Variants in EDDM3A observed in about 807,000 individuals in gnomAD.
EDDM3A encodes epididymal secretory protein E3-alpha.
For synonymous variants in EDDM3A, 75 were observed against 60.4 expected, an observed-to-expected ratio of 1.24 and a Z score of -1.12; for missense variants, 199 against 177.4, an observed-to-expected ratio of 1.12 and a Z score of -0.69.
At chr14:20,737,883 G>A in the EDDM3A span, among the ~76,000 whole-genome samples, 2 of 152,266 alleles carry the variant, frequency 1.3e-5, no homozygotes, top group Admixed American at 6.5e-5. Context: ...GTCCAGGTCC[G>A]GTATGGGGTG....
At chr14:20,740,307 A>G in the EDDM3A span, among the ~76,000 whole-genome samples, 1 of 152,244 alleles carries the variant, frequency 6.6e-6, no homozygotes, top group Non-Finnish European at 1.5e-5. Flanking sequence ...GCATTTGTCC[A>G]TGGTTCGATA....
chr14:20,738,598 T>C, the EDDM3A span, among the ~76,000 whole-genome samples: 1 of 152,176 alleles, frequency 6.6e-6, no homozygotes, highest in Non-Finnish European at 1.5e-5. Context: ...AAATATAGTG[T>C]AAGGGAGGAA....
the EDDM3A span, among the ~76,000 whole-genome samples, chr14:20,739,415 C>A: frequency 2.0e-5 from 3 of 152,168 alleles, no homozygotes; most frequent in Non-Finnish European, 4.4e-5. Context: ...TCCTTAGGGA[C>A]CTGTCTTCCT....
chr14:20,738,408 T>C, the EDDM3A span, among the ~76,000 whole-genome samples: 136 of 151,924 alleles, frequency 9.0e-4, 1 homozygote, highest in Non-Finnish European at 1.9e-3. Flanking sequence ...GAGGCAGAGA[T>C]TGCAGTGAGC....
At chr14:20,740,838 T>G in the EDDM3A span, among the ~76,000 whole-genome samples, 36,020 of 139,916 alleles carry the variant, frequency 0.26, 5,351 homozygotes, top group East Asian at 0.34. Flanking sequence ...GATGCAGGAA[T>G]GGCCTCCTCT....
At chr14:20,747,048 T>C (rs1405784470) in intron 1 of EDDM3A, among the ~76,000 whole-genome samples, 4 of 60,578 alleles carry the variant, frequency 6.6e-5, no homozygotes, top group Non-Finnish European at 9.0e-5. Flanking sequence ...ATTTTCCAAA[T>C]TTGTGTTAGC....
At chr14:20,746,681 A>G (rs369102265) in intron 1 of EDDM3A, among the ~76,000 whole-genome samples, 2 of 152,214 alleles carry the variant, frequency 1.3e-5, no homozygotes, top group South Asian at 2.1e-4. Context: ...CCGATAGTTA[A>G]TAATGATCAC....
upstream of EDDM3A, among the ~76,000 whole-genome samples, chr14:20,744,972 G>A (rs965724305): frequency 6.6e-6 from 1 of 152,188 alleles, no homozygotes; most frequent in Admixed American, 6.5e-5. Context: ...TGTAATCCCA[G>A]CACTTTTAGA....
the EDDM3A span, among the ~76,000 whole-genome samples, chr14:20,737,380 C>A: frequency 1.3e-5 from 2 of 152,036 alleles, no homozygotes; most frequent in African/African-American, 2.4e-5. Context: ...GTAGAGGTGC[C>A]GGAGAGTGAA....
upstream of EDDM3A, among the ~76,000 whole-genome samples, chr14:20,744,268 C>A (rs1877519023): frequency 6.6e-6 from 1 of 152,190 alleles, no homozygotes; most frequent in African/African-American, 2.4e-5. Context: ...TCCATCCAGT[C>A]TATCAGCACA....
chr14:20,738,964 A>C, the EDDM3A span, among the ~76,000 whole-genome samples: 1 of 152,222 alleles, frequency 6.6e-6, no homozygotes, highest in Non-Finnish European at 1.5e-5. Context: ...TGGCACAGAG[A>C]AGGAGACATC....
chr14:20,747,829 G>C lies in EDDM3A; in HGVS notation c.249G>C (p.Glu83Asp). 6.2e-7 allele frequency: 1 copy of C among 1,614,148 alleles called. No individual in the cohort carries two copies. Among genetic ancestry groups the C allele is most frequent in the Non-Finnish European group, 8.5e-7 (1 of 1,180,010 alleles). ...WFKIQRACIN[E>D]KGSDRYRNAY... is the part of the protein sequence containing the mutation. Reference sequence around the variant, plus strand: ...AAATTCAGCGTGCATGCATCAATGAGAAGGGGAGCGACCGATATAGAAATG... The same window carrying C: ...AAATTCAGCGTGCATGCATCAATGACAAGGGGAGCGACCGATATAGAAATG... The change falls in exon 2 of 2, where the codon GAG (glutamate) becomes GAC (aspartate). Residue 83 changes from glutamate to aspartate, a missense_variant. Transcript: ENST00000326842.
chr14:20,747,553 AG>A lies in EDDM3A; in HGVS notation c.-26-1del. 1.9e-6 allele frequency: 3 copies of A among 1,540,342 alleles called. No individual in the cohort carries two copies. Among genetic ancestry groups the A allele is most frequent in the Non-Finnish European group, 2.6e-6 (3 of 1,135,692 alleles). On this transcript the variant is annotated splice_acceptor_variant, in intron 1 of 1. Coordinates refer to ENST00000326842, the MANE Select transcript of EDDM3A (RefSeq NM_006683.5). LOFTEE classifies it low-confidence loss of function (5UTR_SPLICE). ...TAATGCTTTTCTTTCTCTTCCCTGT[AG>A]ACACGCAGGTGGACGTGGTGACTGA...
At chr14:20,738,506 T>TAAATAA in the EDDM3A span, among the ~76,000 whole-genome samples, 5 of 144,426 alleles carry the variant, frequency 3.5e-5, no homozygotes, top group South Asian at 2.2e-4. Flanking sequence ...AATAAATAAA[T>TAAATAA]AAACAGTAGC....
At chr14:20,744,442 A>G (rs1416461160), upstream of EDDM3A, among the ~76,000 whole-genome samples, 1 of 152,214 alleles carries the variant, frequency 6.6e-6, no homozygotes, top group Non-Finnish European at 1.5e-5. Context: ...GTTAGAAAAG[A>G]TTTGCAAGAG....
At chr14:20,741,613 C>T (rs1456609033), upstream of EDDM3A, among the ~76,000 whole-genome samples, 1 of 152,062 alleles carries the variant, frequency 6.6e-6, no homozygotes, top group Non-Finnish European at 1.5e-5. Flanking sequence ...GACAGGAAGG[C>T]CATTGGAAAA....
chr14:20,738,056 C>T, the EDDM3A span, among the ~76,000 whole-genome samples: 1 of 152,186 alleles, frequency 6.6e-6, no homozygotes, highest in Non-Finnish European at 1.5e-5. Flanking sequence ...GTCAGTGTAT[C>T]TACATTGGTC....
At position 20,747,964 on chromosome 14, in the gene EDDM3A, C is replaced by A. The variant is rs759499952; in HGVS notation, c.384C>A (p.Gly128=). ...RSFSYIEFHC[G]VDGYVDNIED... is the part of the protein sequence containing the mutation. ...TCAGCTACATTGAATTCCATTGTGG[C>A]GTAGATGGATATGTTGATAACATAG... is the stretch of plus-strand genomic sequence containing the variant. Residue 128 remains glycine, a synonymous_variant, in exon 2 of 2, where the codon GGC becomes GGA. Coordinates refer to ENST00000326842, the MANE Select transcript of EDDM3A (RefSeq NM_006683.5). The A allele has an allele frequency of 5.0e-6, 8 of 1,613,506 alleles. No individual in the cohort carries two copies. The African/African-American group carries it at 8.0e-5, about 16-fold the overall frequency.
the EDDM3A span, among the ~76,000 whole-genome samples, chr14:20,740,379 G>T: frequency 6.6e-6 from 1 of 152,342 alleles, no homozygotes; most frequent in South Asian, 2.1e-4. Flanking sequence ...TTGCCAGCAT[G>T]GCACTGCCAA....
Sources: allele counts gnomAD v4.1 joint callset (sites outside exome capture counted in the v4.1 genomes callset), GRCh38; gene constraint gnomAD v4.1.1; transcripts MANE v1.5; gene names NCBI Gene and HGNC (gene_info 2026-07-23, HGNC 2026-07-21).